KCNT2: variants seen among roughly 807,000 people sequenced by gnomAD.
The protein encoded by KCNT2 is potassium sodium-activated channel subfamily T member 2, also known as potassium channel subfamily T member 2.
In KCNT2, 67 loss-of-function variants were observed where a neutral mutation model predicts 153.8. The ratio of observed to expected loss-of-function variants is 0.44; its 90% confidence interval spans 0.36 to 0.53. The LOEUF is 0.53. Ranked by LOEUF, KCNT2 falls within the 20% of genes least tolerant of loss-of-function variation. The probability of loss-of-function intolerance (pLI) is 0.00; values close to 1 mark genes in which losing one functional copy is unlikely to be tolerated. For synonymous variants in KCNT2, 500 were observed against 458.8 expected, an observed-to-expected ratio of 1.09 and a Z score of -1.15; for missense variants, 975 against 1,354.8, an observed-to-expected ratio of 0.72 and a Z score of 4.40.
chr1:196,535,564 T>A lies in KCNT2; in HGVS notation c.96-43223A>T, dbSNP rs576033690. Among the ~76,000 whole-genome samples the A allele has an allele frequency of 4.6e-5, 7 of 152,332 alleles. No individual in the cohort carries two copies. In the South Asian group the frequency reaches 8.3e-4, roughly 18 times the overall value. On this transcript the variant is annotated intron_variant, in intron 1 of 27. Transcript: ENST00000294725. ...GAATAATGCTTATTTTCTTTGCACA[T>A]TTTTATAACCTTGGTTTTACCAAGG...
Position 196,373,199 on chromosome 1 carries a change from G to T in KCNT2, c.1344C>A (p.Asn448Lys). The change falls in exon 14 of 28, where the codon AAC becomes AAA. Residue 448 changes from asparagine to lysine, a missense_variant. Physicochemically the swap from Asn to Lys is moderately conservative, Grantham distance 94. Coordinates refer to ENST00000294725, the MANE Select transcript of KCNT2 (RefSeq NM_198503.5). ...EEFKYAMLAL[N>K]CICPATSTLI... ...GTGTAGATGTTGCTGGGCATATACA[G>T]TTTAAAGCTAACATGGCGTATTTAA... 1 of 1,589,854 alleles carries T rather than the reference G, an allele frequency of 6.3e-7. No homozygotes were observed. The highest frequency in any genetic ancestry group is 8.6e-7 in the Non-Finnish European group (1 of 1,159,734).
At chr1:196,320,914 C>T (rs1663243475) in intron 19 of KCNT2, among the ~76,000 whole-genome samples, 1 of 149,632 alleles carries the variant, frequency 6.7e-6, no homozygotes, top group Admixed American at 6.7e-5. Flanking sequence ...GTTATCAGTT[C>T]TTTGCAGTAC....
At chr1:196,536,693 G>A (rs1353873024) in intron 1 of KCNT2, among the ~76,000 whole-genome samples, 1 of 152,134 alleles carries the variant, frequency 6.6e-6, no homozygotes, top group Non-Finnish European at 1.5e-5. Flanking sequence ...CTGGGGGGTT[G>A]TTACCCATGA....
intron 26 of KCNT2, among the ~76,000 whole-genome samples, chr1:196,246,901 T>C (rs902210669): frequency 6.6e-6 from 1 of 151,262 alleles, no homozygotes; most frequent in African/African-American, 2.4e-5. Context: ...AAAAAACAAA[T>C]AAATAAATAA....
chr1:196,482,279 T>G, intron 4 of KCNT2, 52 bp downstream of exon 4: 2 of 1,151,850 alleles, frequency 1.7e-6, no homozygotes, highest in Non-Finnish European at 2.5e-6. Flanking sequence ...TACTTCTCTG[T>G]GAAATGTGAA....
At chr1:196,410,321 CTT>C (rs202243607) in intron 12 of KCNT2, among the ~76,000 whole-genome samples, 3 of 143,236 alleles carry the variant, frequency 2.1e-5, no homozygotes, top group Non-Finnish European at 1.5e-5. Context: ...AAGTTTATTG[CTT>C]TTTTTTTTTA....
intron 22 of KCNT2, among the ~76,000 whole-genome samples, chr1:196,303,579 C>T (rs748917402): frequency 5.3e-5 from 8 of 152,090 alleles, no homozygotes; most frequent in Non-Finnish European, 1.2e-4. Context: ...TAAAATGTAT[C>T]GTTATGCTTT....
intron 1 of KCNT2, among the ~76,000 whole-genome samples, chr1:196,524,109 T>TC (rs1653856684): frequency 2.0e-4 from 1 of 4,938 alleles, no homozygotes; most frequent in Non-Finnish European, 8.2e-3. Flanking sequence ...CAGCTTTATA[T>TC]GAAAATGTTG....
Position 196,228,068 on chromosome 1 carries a change from TAA to T in KCNT2, c.*154_*155del. 1.8e-6 allele frequency: 1 copy of T among 551,992 alleles called. No homozygotes were observed. Among genetic ancestry groups the T allele is most frequent in the Non-Finnish European group, 3.2e-6 (1 of 310,664 alleles). 34.2% of individuals were successfully genotyped at this position (551,992 alleles called of 1,614,324 possible). On this transcript the variant is annotated 3_prime_UTR_variant, in exon 28 of 28. Transcript: ENST00000294725. ...GGGAGAGTACCAGTAAGTAGTACAT[TAA>T]GTTTCAAAATGATCTATACTTCTAA...
chr1:196,400,048 A>G (rs1671279220), intron 12 of KCNT2, among the ~76,000 whole-genome samples: 1 of 151,960 alleles, frequency 6.6e-6, no homozygotes, highest in East Asian at 2.0e-4. Context: ...AAGTTACAAG[A>G]AAGTTGATGA....
At chr1:196,275,865 T>C (rs1170167251) in intron 25 of KCNT2, among the ~76,000 whole-genome samples, 1 of 152,064 alleles carries the variant, frequency 6.6e-6, no homozygotes, top group Non-Finnish European at 1.5e-5. Context: ...ATGGGTCTGA[T>C]ATCACCACAT....
At chr1:196,439,672 T>G (rs897641734) in intron 8 of KCNT2, among the ~76,000 whole-genome samples, 2 of 152,006 alleles carry the variant, frequency 1.3e-5, no homozygotes, top group Non-Finnish European at 2.9e-5. Flanking sequence ...AATTTAACAT[T>G]CCTATTAGAT....
intron 8 of KCNT2, among the ~76,000 whole-genome samples, chr1:196,453,990 C>G (rs895714854): frequency 7.5e-6 from 1 of 134,088 alleles, no homozygotes; most frequent in Admixed American, 7.9e-5. Flanking sequence ...ATTTTGTCAT[C>G]TTTCCATTTT....
At position 196,540,048 on chromosome 1, in the gene KCNT2, G is replaced by T. The variant is rs564996821; in HGVS notation, c.96-47707C>A. The stretch of plus-strand genomic sequence containing the variant: ...ATTATAAAGTGAATTAAAATGCGTT[G>T]CCTTAGTTGAATTCCATTTTTAAGG... On this transcript the variant is annotated intron_variant, in intron 1 of 27. Coordinates refer to ENST00000294725, the MANE Select transcript of KCNT2 (RefSeq NM_198503.5). Among the ~76,000 whole-genome samples the T allele has an allele frequency of 7.9e-5, 12 of 152,140 alleles. 1 individual carries two copies. In the East Asian group the frequency reaches 2.1e-3, roughly 27 times the overall value.
At chr1:196,489,637 C>A (rs1346019932) in intron 3 of KCNT2, among the ~76,000 whole-genome samples, 1 of 151,858 alleles carries the variant, frequency 6.6e-6, no homozygotes, top group East Asian at 1.9e-4. Flanking sequence ...TAGCATCAGA[C>A]AAACAGAAAA....
At chr1:196,390,312 T>G (rs1244073257) in intron 13 of KCNT2, among the ~76,000 whole-genome samples, 1 of 151,596 alleles carries the variant, frequency 6.6e-6, no homozygotes, top group East Asian at 1.9e-4. Flanking sequence ...TGGTGTTAAA[T>G]AGACATTGAA....
intron 1 of KCNT2, among the ~76,000 whole-genome samples, chr1:196,556,625 G>T (rs570685654): frequency 1.3e-5 from 2 of 151,516 alleles, no homozygotes; most frequent in South Asian, 2.1e-4. Flanking sequence ...CAATCCCACT[G>T]CTGGGTATAT....
intron 22 of KCNT2, among the ~76,000 whole-genome samples, chr1:196,290,636 C>T (rs2147915301): frequency 6.6e-6 from 1 of 151,678 alleles, no homozygotes; most frequent in Non-Finnish European, 1.5e-5. Flanking sequence ...TATATCACCA[C>T]TTATTTTTTT....
In KCNT2 at chr1:196,584,323, T is replaced by C. The variant is rs376070252; in HGVS notation, c.95+23892A>G. Among the ~76,000 whole-genome samples the C allele has an allele frequency of 5.5e-4, 83 of 152,152 alleles. 1 individual carries two copies. The East Asian group carries it at 0.015, about 27-fold the overall frequency. ...ACGCCTCAAATAAGGGGAAATGTAA[T>C]GGTGTATAATTTGTAAGAAGAGGGG... On this transcript the variant is annotated intron_variant, in intron 1 of 27. Transcript: ENST00000294725.
Sources: gnomAD v4.1 joint callset for allele counts (sites outside exome capture counted in the v4.1 genomes callset) on GRCh38, gnomAD v4.1.1 for gene constraint, MANE v1.5 for transcripts, NCBI Gene and HGNC (gene_info 2026-07-23, HGNC 2026-07-21) for gene names.